Variants in ANK1 observed in about 807,000 individuals in gnomAD.
The protein encoded by ANK1 is ankyrin-1.
ANK1 carries 51 observed loss-of-function variants against 210.4 expected under a neutral mutation model. That is an observed-to-expected ratio of 0.24 (90% CI 0.19 to 0.31). ANK1 has a LOEUF of 0.31. ANK1 is among the 10% of genes least tolerant of loss of function. The probability of loss-of-function intolerance (pLI) is 1.00; values close to 1 mark genes in which losing one functional copy is unlikely to be tolerated. For missense variants in ANK1, 2,051 were observed against 2,504.4 expected (o/e 0.82, Z 3.86); for synonymous variants, 967 against 1,025.9 (o/e 0.94, Z 1.10).
At chr8:41,784,518 G>T (rs1479533566) in intron 1 of ANK1, among the ~76,000 whole-genome samples, 1 of 152,152 alleles carries the variant, frequency 6.6e-6, no homozygotes, top group Non-Finnish European at 1.5e-5. Context: ...TCAGGTAATT[G>T]ATGTTTGTCA....
intron 1 of ANK1, among the ~76,000 whole-genome samples, chr8:41,776,703 G>A (rs1239037971): frequency 6.6e-6 from 1 of 152,198 alleles, no homozygotes; most frequent in Non-Finnish European, 1.5e-5. Flanking sequence ...TCTTCCCAGA[G>A]CCAAAACATT....
chr8:41,880,583 C>A (rs1214922466), intron 1 of ANK1, among the ~76,000 whole-genome samples: 1 of 152,206 alleles, frequency 6.6e-6, no homozygotes, highest in Non-Finnish European at 1.5e-5. Flanking sequence ...ACTGCATGTG[C>A]CCCCAGGGCC....
Position 41,655,394 on chromosome 8 carries a change from T to TAA in ANK1, c.*394_*395dup. 3.3e-5 allele frequency: 9 copies of TAA among 273,766 alleles called. No homozygotes were observed. The highest frequency in any genetic ancestry group is 9.3e-5 in the South Asian group (1 of 10,810). The allele number at this position is 273,766 out of a possible 1,614,324, so 17.0% of individuals were successfully genotyped here. ...TACCCTGTACGAAGTCAAAACAATT[T>TAA]AAAAAAAAAACCCCAAAACCAAAAC... On this transcript the variant is annotated 3_prime_UTR_variant, in exon 43 of 43. Coordinates refer to ENST00000289734, the MANE Select transcript of ANK1 (RefSeq NM_000037.4).
intron 1 of ANK1, among the ~76,000 whole-genome samples, chr8:41,820,158 A>T (rs550394792): frequency 4.5e-4 from 66 of 145,092 alleles, no homozygotes; most frequent in Non-Finnish European, 7.6e-4. Context: ...ATTTAAATTT[A>T]GATCTCACCT....
chr8:41,852,273 T>TG (rs1811394998), intron 1 of ANK1, among the ~76,000 whole-genome samples: 1 of 152,132 alleles, frequency 6.6e-6, no homozygotes, highest in Admixed American at 6.5e-5. Flanking sequence ...GAGCAGATGC[T>TG]GGGTCATAAA....
intron 37 of ANK1, among the ~76,000 whole-genome samples, chr8:41,675,287 G>C (rs1002987362): frequency 9.2e-5 from 14 of 152,098 alleles, no homozygotes; most frequent in Non-Finnish European, 2.1e-4. Flanking sequence ...AGTAGAGATG[G>C]GGTTTCACCC....
intron 2 of ANK1, among the ~76,000 whole-genome samples, chr8:41,742,518 C>T (rs1835037068): frequency 6.6e-6 from 1 of 152,196 alleles, no homozygotes; most frequent in African/African-American, 2.4e-5. Flanking sequence ...CTCCCCACCC[C>T]ACACCTCCTG....
At chr8:41,769,717 G>T (rs1480008295) in intron 1 of ANK1, among the ~76,000 whole-genome samples, 1 of 152,096 alleles carries the variant, frequency 6.6e-6, no homozygotes, top group Non-Finnish European at 1.5e-5. Context: ...GGCCACATAA[G>T]ATAATGGGCA....
chr8:41,681,757 T>G (rs1816128012), intron 37 of ANK1, among the ~76,000 whole-genome samples: 1 of 93,108 alleles, frequency 1.1e-5, no homozygotes. Context: ...CTTAGACCTC[T>G]GACTGTCCTG....
chr8:41,883,982 G>A (rs752930074), intron 1 of ANK1, among the ~76,000 whole-genome samples: 2 of 152,152 alleles, frequency 1.3e-5, no homozygotes, highest in African/African-American at 2.4e-5. Flanking sequence ...ATTGTTCTCC[G>A]GCCCAGGGAA....
intron 26 of ANK1, 100 bp from the exon 27 acceptor site, chr8:41,695,431 A>T (rs1030416107): frequency 2.1e-5 from 33 of 1,545,386 alleles, no homozygotes; most frequent in Non-Finnish European, 2.8e-5. Context: ...TGGATAAGGC[A>T]CTTCCGCAGC....
chr8:41,664,410 T>G (rs895391294), intron 39 of ANK1, among the ~76,000 whole-genome samples: 1 of 151,938 alleles, frequency 6.6e-6, no homozygotes, highest in Non-Finnish European at 1.5e-5. Flanking sequence ...GAATTTACAG[T>G]AAGCCCAGGT....
At chr8:41,852,349 G>A (rs79513233) in intron 1 of ANK1, among the ~76,000 whole-genome samples, 3,655 of 152,308 alleles carry the variant, frequency 0.024, 153 homozygotes, top group African/African-American at 0.082. Context: ...GGGCCGAAGC[G>A]GGGTGTGAAA....
intron 1 of ANK1, among the ~76,000 whole-genome samples, chr8:41,789,875 T>A (rs1847268876): frequency 6.6e-6 from 1 of 152,148 alleles, no homozygotes; most frequent in Admixed American, 6.5e-5. Context: ...TATGGTAAAA[T>A]GATATAATTC....
At chr8:41,838,167 C>G (rs188102034) in intron 1 of ANK1, among the ~76,000 whole-genome samples, 1 of 152,182 alleles carries the variant, frequency 6.6e-6, no homozygotes, top group African/African-American at 2.4e-5. Context: ...TTTATCCTCA[C>G]ACTGAGGATA....
At chr8:41,828,462 C>T (rs1805921262) in intron 1 of ANK1, 1 of 154,236 alleles carries the variant, frequency 6.5e-6, no homozygotes. Flanking sequence ...AATTACAGAT[C>T]CCGTCTGTGG....
chr8:41,853,656 T>C (rs1459921939), intron 1 of ANK1, among the ~76,000 whole-genome samples: 1 of 152,206 alleles, frequency 6.6e-6, no homozygotes, highest in African/African-American at 2.4e-5. Flanking sequence ...TCTTGGTCCC[T>C]ACCCCCACCG....
At position 41,704,868 on chromosome 8, in the gene ANK1, G is replaced by T. The variant is rs1824128287; in HGVS notation, c.2098-396C>A. Among the ~76,000 whole-genome samples, 1 of 152,134 alleles carries T rather than the reference G, an allele frequency of 6.6e-6. No individual in the cohort carries two copies. Among genetic ancestry groups the T allele is most frequent in the South Asian group, 2.1e-4 (1 of 4,830 alleles). ...GAGACCAGCATCACAGAATCCCAGG[G>T]GAGCTATTTCAAGAAGGAAGAAACA... is the stretch of plus-strand genomic sequence containing the variant. On this transcript the variant is annotated intron_variant, in intron 18 of 42. Transcript: ENST00000289734. This position sits in a 1 kb window ranked among gnomAD's most constrained non-coding sequence, Gnocchi z 4.1.
intron 20 of ANK1, among the ~76,000 whole-genome samples, chr8:41,703,450 A>ATATATATATTTTTTTTTTTTT: frequency 1.7e-5 from 1 of 58,828 alleles, no homozygotes; most frequent in Admixed American, 2.4e-4. Flanking sequence ...ATATATATAT[A>ATATATATATTTTTTTTTTTTT]TTTTTTTTTT....
Sources: gnomAD v4.1 joint callset for allele counts (sites outside exome capture counted in the v4.1 genomes callset) on GRCh38, gnomAD v4.1.1 for gene constraint, Gnocchi (gnomAD v3.1) non-coding constraint, MANE v1.5 for transcripts, NCBI Gene and HGNC (gene_info 2026-07-23, HGNC 2026-07-21) for gene names.